Variants in GREB1L observed in about 807,000 individuals in gnomAD.
GREB1L encodes GREB1-like protein.
A neutral mutation model predicts 200.8 loss-of-function variants in GREB1L; 17 were observed. That is an observed-to-expected ratio of 0.08 (90% CI 0.06 to 0.13). GREB1L has a LOEUF of 0.13. GREB1L is among the 10% of genes least tolerant of loss of function. GREB1L has a pLI of 1.00. For missense variants in GREB1L, 1,657 were observed against 2,367.7 expected, an observed-to-expected ratio of 0.70 and a Z score of 6.23; for synonymous variants, 789 against 893.0, an observed-to-expected ratio of 0.88 and a Z score of 2.08.
In GREB1L at chr18:21,431,896, A is replaced by C. The variant is rs1225843219; in HGVS notation, c.833-7625A>C. ...TTCATGTAGTAATAATTTTTGTCTT[A>C]GAGTCTATTTTTCTTTTCTTTTCTT... is the stretch of plus-strand genomic sequence containing the variant. On this transcript the variant is annotated intron_variant, in intron 7 of 32. Coordinates refer to ENST00000424526, the MANE Select transcript of GREB1L (RefSeq NM_001142966.3). Among the ~76,000 whole-genome samples, 3 of 146,154 alleles carry C rather than the reference A, an allele frequency of 2.1e-5. No homozygotes were observed. The East Asian group carries it at 6.0e-4, about 29-fold the overall frequency.
intron 2 of GREB1L, among the ~76,000 whole-genome samples, chr18:21,372,721 A>G (rs901774617): frequency 2.0e-5 from 3 of 152,004 alleles, no homozygotes; most frequent in Non-Finnish European, 4.4e-5. Context: ...CAGGAATTCA[A>G]GATCAGCCTG....
intron 1 of GREB1L, among the ~76,000 whole-genome samples, chr18:21,340,499 T>C (rs2039253163): frequency 6.6e-6 from 1 of 152,056 alleles, no homozygotes; most frequent in African/African-American, 2.4e-5. Flanking sequence ...TGGCTACTTA[T>C]GAGTGTGGTA....
chr18:21,299,435 C>T (rs1471183958), intron 1 of GREB1L, among the ~76,000 whole-genome samples: 1 of 151,716 alleles, frequency 6.6e-6, no homozygotes, highest in Admixed American at 6.6e-5. Context: ...AATATATAGA[C>T]TCTTAGTAAA....
intron 15 of GREB1L, among the ~76,000 whole-genome samples, chr18:21,455,319 AACAC>A (rs10581600): frequency 6.0e-5 from 9 of 150,682 alleles, no homozygotes; most frequent in East Asian, 1.9e-4. Context: ...AGCTGAGGAA[AACAC>A]ACACACACAC....
intron 1 of GREB1L, among the ~76,000 whole-genome samples, chr18:21,311,197 A>G (rs1424530885): frequency 1.3e-5 from 2 of 152,244 alleles, no homozygotes; most frequent in Non-Finnish European, 2.9e-5. Flanking sequence ...CCAGTTATCA[A>G]TGCAAGCATT....
intron 1 of GREB1L, among the ~76,000 whole-genome samples, chr18:21,267,079 G>A (rs183681978): frequency 3.2e-4 from 48 of 151,930 alleles, no homozygotes; most frequent in East Asian, 5.8e-4. Context: ...GACTACATGC[G>A]TGTGTCACCA....
At chr18:21,519,417 G>A (rs1266867681) in intron 31 of GREB1L, among the ~76,000 whole-genome samples, 1 of 152,152 alleles carries the variant, frequency 6.6e-6, no homozygotes, top group African/African-American at 2.4e-5. Context: ...GATCTGATTT[G>A]TGCCACTGCA....
chr18:21,359,704 G>A (rs2039555584), intron 1 of GREB1L, among the ~76,000 whole-genome samples: 1 of 152,176 alleles, frequency 6.6e-6, no homozygotes, highest in Non-Finnish European at 1.5e-5. Flanking sequence ...GGTCTAAATA[G>A]CACTTAACAG....
chr18:21,299,059 C>T (rs1273886905), intron 1 of GREB1L, among the ~76,000 whole-genome samples: 1 of 152,044 alleles, frequency 6.6e-6, no homozygotes, highest in African/African-American at 2.4e-5. Flanking sequence ...GGGCAGATCA[C>T]GTGAGGTCAG....
chr18:21,367,775 G>T (rs1302183324), intron 2 of GREB1L, among the ~76,000 whole-genome samples: 5 of 152,138 alleles, frequency 3.3e-5, no homozygotes, highest in Non-Finnish European at 7.4e-5. Context: ...GAAAATCAGT[G>T]TCAGAGTCAA....
chr18:21,358,061 T>C (rs568983493), intron 1 of GREB1L, among the ~76,000 whole-genome samples: 20 of 152,330 alleles, frequency 1.3e-4, no homozygotes, highest in African/African-American at 4.3e-4. Context: ...AATATGGGCA[T>C]TTAAACAATA....
intron 15 of GREB1L, among the ~76,000 whole-genome samples, chr18:21,459,279 C>CT (rs746568414): frequency 0.053 from 4,564 of 85,912 alleles, 256 homozygotes; most frequent in East Asian, 0.22. Flanking sequence ...TTTTTCTTTA[C>CT]TTTTTTTTTT....
chr18:21,525,535 A>G lies in GREB1L; in HGVS notation c.*2714A>G, dbSNP rs979932282. ...AGTCACATTATAGGTTGGACAACCAAGATTAAAGAGGTGTTGAAAACATAC... is the reference window on the plus strand; with the variant it reads ...AGTCACATTATAGGTTGGACAACCAGGATTAAAGAGGTGTTGAAAACATAC... On this transcript the variant is annotated 3_prime_UTR_variant, in exon 33 of 33. Transcript: ENST00000424526. 6.6e-6 allele frequency: 1 copy of G among 152,220 alleles called. No homozygotes were observed. Among genetic ancestry groups the G allele is most frequent in the African/African-American group, 2.4e-5 (1 of 41,448 alleles). The allele number at this position is 152,220 out of a possible 1,614,324, so 9.4% of individuals were successfully genotyped here.
chr18:21,422,097 A>G (rs1019290243), intron 7 of GREB1L, among the ~76,000 whole-genome samples: 1 of 152,154 alleles, frequency 6.6e-6, no homozygotes, highest in Non-Finnish European at 1.5e-5. Flanking sequence ...AGTGCTTACA[A>G]GTTCCTTCTT....
chr18:21,319,956 G>A (rs1482910087), intron 1 of GREB1L, among the ~76,000 whole-genome samples: 1 of 152,214 alleles, frequency 6.6e-6, no homozygotes, highest in African/African-American at 2.4e-5. Context: ...GTATAAAGCA[G>A]TCTGTGGGTA....
chr18:21,490,150 C>T lies in GREB1L; in HGVS notation c.2829C>T (p.Leu943=). The change falls in exon 19 of 33, where the codon CTC becomes CTT. Residue 943 remains leucine (L), a synonymous_variant. Transcript: ENST00000424526. ...TPETLSIMDD[L]ISSPGKNKSG... ...AAACACTCAGCATTATGGATGACCT[C>T]ATCAGCTCCCCAGGCAAAAACAAAA... 1.3e-6 allele frequency: 2 copies of T among 1,551,792 alleles called. No individual in the cohort carries two copies. The highest frequency in any genetic ancestry group is 8.7e-7 in the Non-Finnish European group (1 of 1,147,004).
At position 21,500,217 on chromosome 18, in the gene GREB1L, C is replaced by A; in HGVS notation, c.3880C>A (p.His1294Asn). 6.5e-7 allele frequency: 1 copy of A among 1,539,854 alleles called. No homozygotes were observed. Among genetic ancestry groups the A allele is most frequent in the Non-Finnish European group, 8.8e-7 (1 of 1,141,494 alleles). The change falls in exon 22 of 33, where the codon CAC becomes AAC. Residue 1294 changes from histidine (H) to asparagine (N), a missense_variant. By Grantham distance (68) the His-to-Asn change is moderately conservative (BLOSUM62 1). Transcript: ENST00000424526. ...YYRQWTLARQ[H>N]HADYSNQLDP... The stretch of plus-strand genomic sequence containing the variant: ...CAGGCAGTGGACCTTGGCCCGGCAG[C>A]ACCACGCTGACTATAGCAACCAGCT...
At chr18:21,402,038 ATTTG>A (rs1260368503) in intron 6 of GREB1L, 1 of 152,062 alleles carries the variant, frequency 6.6e-6, no homozygotes, top group African/African-American at 2.4e-5. Flanking sequence ...ACAACTGCAG[ATTTG>A]TTTCTGAGTC....
intron 17 of GREB1L, chr18:21,485,384 G>T: frequency 2.6e-6 from 1 of 390,736 alleles, no homozygotes; most frequent in Non-Finnish European, 4.6e-6. Context: ...CCTGAAGGAA[G>T]TGTGTCAACT....
Sources: gnomAD v4.1 joint callset for allele counts (sites outside exome capture counted in the v4.1 genomes callset) on GRCh38, gnomAD v4.1.1 for gene constraint, MANE v1.5 for transcripts, NCBI Gene and HGNC (gene_info 2026-07-23, HGNC 2026-07-21) for gene names.